Variants in ZBTB7C observed in about 807,000 individuals in gnomAD.
ZBTB7C encodes zinc finger and BTB domain containing 7C, also known as zinc finger and BTB domain-containing protein 7C.
A neutral mutation model predicts 25.7 loss-of-function variants in ZBTB7C; 8 were observed. The ratio of observed to expected loss-of-function variants is 0.31; its 90% CI spans 0.18 to 0.56. The LOEUF (loss-of-function observed/expected upper bound fraction) is 0.56, where lower values mean the gene tolerates loss of function less well. Ranked by LOEUF, ZBTB7C falls within the 20% of genes least tolerant of loss-of-function variation. ZBTB7C has a pLI of 0.91. For missense variants in ZBTB7C, 824 were observed against 855.2 expected, an observed-to-expected ratio of 0.96 and a Z score of 0.46; for synonymous variants, 394 against 369.0, an observed-to-expected ratio of 1.07 and a Z score of -0.78.
chr18:48,374,650 T>G (rs1330302988), intron 1 of ZBTB7C, among the ~76,000 whole-genome samples: 2 of 152,240 alleles, frequency 1.3e-5, no homozygotes, highest in Non-Finnish European at 2.9e-5. Context: ...AACCAAAATC[T>G]GATAAGGTGT....
At chr18:48,181,958 C>T (rs1451799966) in intron 3 of ZBTB7C, among the ~76,000 whole-genome samples, 2 of 152,204 alleles carry the variant, frequency 1.3e-5, no homozygotes, top group Non-Finnish European at 2.9e-5. Flanking sequence ...AATTATTTTA[C>T]ATCACACCAG....
chr18:48,152,242 C>T (rs1829895630), intron 3 of ZBTB7C, among the ~76,000 whole-genome samples: 1 of 151,958 alleles, frequency 6.6e-6, no homozygotes. Context: ...CAAAACTGTA[C>T]AAGTATGTAA....
intron 1 of ZBTB7C, among the ~76,000 whole-genome samples, chr18:48,375,830 C>A (rs2047506811): frequency 6.6e-6 from 1 of 152,212 alleles, no homozygotes; most frequent in African/African-American, 2.4e-5. Flanking sequence ...ATCCTGGCAA[C>A]CAGTTGTCAC....
chr18:48,056,222 C>A (rs1263320838), intron 3 of ZBTB7C, among the ~76,000 whole-genome samples: 2 of 152,170 alleles, frequency 1.3e-5, no homozygotes, highest in Non-Finnish European at 2.9e-5. Context: ...GACTGAAGCA[C>A]TCCTTAAGAC....
chr18:48,040,921 A>G lies in ZBTB7C; in HGVS notation c.187T>C (p.Phe63Leu). 1 of 1,614,102 alleles carries G rather than the reference A, an allele frequency of 6.2e-7. No individual in the cohort carries two copies. Among genetic ancestry groups the G allele is most frequent in the Non-Finnish European group, 8.5e-7 (1 of 1,180,020 alleles). The change falls in exon 4 of 5, where the codon TTC becomes CTC. Residue 63 changes from phenylalanine (F) to leucine (L), a missense_variant. By Grantham distance (22) the Phe-to-Leu change is conservative. Around this residue, in one of 4 missense-constraint regions of ZBTB7C, gnomAD observed 117 missense variants for 167.7 expected, o/e 0.70. Transcript: ENST00000590800. ...AACSKYFKKL[F>L]TAGTLASQPY... is the part of the protein sequence containing the mutation. ...TGGCTGGCTAGGGTGCCGGCTGTGA[A>G]AAGCTTCTTGAAGTACTTGCTGCAG...
At chr18:48,035,522 T>C (rs991676304) in intron 4 of ZBTB7C, among the ~76,000 whole-genome samples, 1 of 152,040 alleles carries the variant, frequency 6.6e-6, no homozygotes, top group Non-Finnish European at 1.5e-5. Context: ...CAAGGACCCA[T>C]GTGGTGGGAA....
At chr18:48,398,706 C>T (rs578221688) in intron 1 of ZBTB7C, among the ~76,000 whole-genome samples, 5 of 152,128 alleles carry the variant, frequency 3.3e-5, no homozygotes, top group Admixed American at 6.5e-5. Flanking sequence ...AGCACCATCC[C>T]TCATGCCCTT....
At chr18:48,278,884 T>G (rs1262719325) in intron 2 of ZBTB7C, among the ~76,000 whole-genome samples, 1 of 152,114 alleles carries the variant, frequency 6.6e-6, no homozygotes, top group African/African-American at 2.4e-5. Flanking sequence ...CCTCAGGGAC[T>G]GCAATGGGTT....
At chr18:48,196,396 A>G (rs1486089704) in intron 2 of ZBTB7C, among the ~76,000 whole-genome samples, 1 of 152,176 alleles carries the variant, frequency 6.6e-6, no homozygotes, top group East Asian at 1.9e-4. Context: ...CAACAGCCAA[A>G]TGCACCACTC....
At chr18:48,358,867 T>C (rs1048406167) in intron 1 of ZBTB7C, among the ~76,000 whole-genome samples, 3 of 152,180 alleles carry the variant, frequency 2.0e-5, no homozygotes, top group Non-Finnish European at 4.4e-5. Context: ...ATGAATTTTA[T>C]CTCAATAAAG....
At chr18:48,349,227 A>G (rs889674741) in intron 1 of ZBTB7C, among the ~76,000 whole-genome samples, 1 of 152,132 alleles carries the variant, frequency 6.6e-6, no homozygotes, top group African/African-American at 2.4e-5. Context: ...GGAGGAAAAC[A>G]TTTTTCCCCT....
intron 2 of ZBTB7C, among the ~76,000 whole-genome samples, chr18:48,313,435 G>C (rs1250967093): frequency 6.6e-6 from 1 of 152,158 alleles, no homozygotes; most frequent in African/African-American, 2.4e-5. Flanking sequence ...GAATTGTGGG[G>C]GTCAGGCAGC....
rs79309170 is a variant in ZBTB7C, at chr18:48,045,627, G to A, written c.-16-4504C>T. On this transcript the variant is annotated intron_variant, in intron 3 of 4. Coordinates refer to ENST00000590800, the MANE Select transcript of ZBTB7C (RefSeq NM_001318841.2). ...TTACAACTGATCTCGCACTTCCGGG[G>A]GTCCACATCCCATCCACACTTCAAG... Among the ~76,000 whole-genome samples the A allele has an allele frequency of 2.5e-3, 385 of 152,170 alleles. 2 individuals carry two copies. The highest frequency in any genetic ancestry group is 8.9e-3 in the African/African-American group (370 of 41,512).
intron 3 of ZBTB7C, among the ~76,000 whole-genome samples, chr18:48,051,790 C>A (rs2036697041): frequency 6.6e-6 from 1 of 152,178 alleles, no homozygotes; most frequent in East Asian, 1.9e-4. Context: ...GCGGGACACA[C>A]CAATGGAGAG....
intron 3 of ZBTB7C, among the ~76,000 whole-genome samples, chr18:48,138,060 G>A (rs1413606375): frequency 6.6e-6 from 1 of 152,250 alleles, no homozygotes; most frequent in Non-Finnish European, 1.5e-5. Context: ...TGGGGGAAGC[G>A]CCAGGGGAGT....
chr18:48,209,373 C>A (rs914198013), intron 2 of ZBTB7C, among the ~76,000 whole-genome samples: 2 of 152,224 alleles, frequency 1.3e-5, no homozygotes, highest in African/African-American at 4.8e-5. Flanking sequence ...CAATGAATTT[C>A]ACATGAATTC....
chr18:48,109,173 G>A (rs1056015108), intron 3 of ZBTB7C, among the ~76,000 whole-genome samples: 1 of 152,156 alleles, frequency 6.6e-6, no homozygotes, highest in African/African-American at 2.4e-5. Flanking sequence ...GGCTGGTGGC[G>A]GCTGTCACAG....
chr18:48,069,380 A>T (rs1041710671), intron 3 of ZBTB7C, among the ~76,000 whole-genome samples: 2 of 152,188 alleles, frequency 1.3e-5, no homozygotes, highest in Non-Finnish European at 2.9e-5. Flanking sequence ...GCGGTCTCTC[A>T]TCACTGTTCC....
At chr18:48,242,975 T>C (rs1025372311) in intron 2 of ZBTB7C, among the ~76,000 whole-genome samples, 3 of 152,066 alleles carry the variant, frequency 2.0e-5, no homozygotes, top group African/African-American at 7.2e-5. Context: ...AAAAAGCTCC[T>C]AGATCTGGCT....
Sources: allele counts gnomAD v4.1 joint callset (sites outside exome capture counted in the v4.1 genomes callset), GRCh38; gene constraint gnomAD v4.1.1; regional missense constraint gnomAD v4.1.1; transcripts MANE v1.5; gene names NCBI Gene and HGNC (gene_info 2026-07-23, HGNC 2026-07-21).